The following FMN1 variants were observed in gnomAD, a reference collection of about 807,000 sequenced individuals.
FMN1 encodes formin 1.
In FMN1, 110 loss-of-function variants were observed where a neutral mutation model predicts 132.4. The observed-to-expected ratio is 0.83, with a 90% CI of 0.71 to 0.97. The LOEUF (loss-of-function observed/expected upper bound fraction) is 0.97. Ranked by LOEUF, FMN1 falls within the 50% of genes least tolerant of loss-of-function variation. The pLI is 0.00. For synonymous variants in FMN1, 722 were observed against 651.7 expected (o/e 1.11, Z -1.64); for missense variants, 1,792 against 1,705.3 (o/e 1.05, Z -0.90).
At chr15:32,808,965 C>A (rs2057776995) in intron 17 of FMN1, among the ~76,000 whole-genome samples, 1 of 149,672 alleles carries the variant, frequency 6.7e-6, no homozygotes. Context: ...AAAGGCTTTT[C>A]TACAAAAGGG....
chr15:32,968,956 TGGAGGTAGAGGTGGCGGTGGAGGAGGC>T lies in FMN1; in HGVS notation c.2718_2744del (p.Pro908_Pro916del). The stretch of plus-strand genomic sequence containing the variant: ...GTGGTGGAGGTCCAGCACTTGAAGG[TGGAGGTAGAGGTGGCGGTGGAGGAGGC>T]GGAGGTGGTAGCGGTGGCCCAGCAC... On this transcript the variant is annotated inframe_deletion, in exon 8 of 21. Transcript: ENST00000616417. The T allele has an allele frequency of 3.6e-6, 3 of 833,514 alleles. No individual in the cohort carries two copies. Among genetic ancestry groups the T allele is most frequent in the Non-Finnish European group, 5.5e-6 (3 of 546,062 alleles). The allele number at this position is 833,514 out of a possible 1,614,324, so 51.6% of individuals were successfully genotyped here. A position where few individuals can be genotyped will look rare whatever the true frequency, so the allele number is the denominator to read the frequency against.
chr15:32,814,759 T>C (rs2057998875), intron 17 of FMN1, among the ~76,000 whole-genome samples: 2 of 152,164 alleles, frequency 1.3e-5, no homozygotes, highest in Non-Finnish European at 1.5e-5. Flanking sequence ...CTGAAAGGCA[T>C]GGACTACGGC....
intron 10 of FMN1, among the ~76,000 whole-genome samples, chr15:32,912,479 C>T (rs2060585564): frequency 6.6e-6 from 1 of 152,180 alleles, no homozygotes; most frequent in African/African-American, 2.4e-5. Context: ...CTTAATTAAT[C>T]TCATGAAATT....
At chr15:32,866,440 A>C (rs936158053) in intron 16 of FMN1, among the ~76,000 whole-genome samples, 1 of 152,212 alleles carries the variant, frequency 6.6e-6, no homozygotes, top group Non-Finnish European at 1.5e-5. Context: ...TAGCCAAAAT[A>C]TTCTTCAGCT....
chr15:32,849,914 C>T (rs564681238), intron 17 of FMN1, among the ~76,000 whole-genome samples: 1 of 152,196 alleles, frequency 6.6e-6, no homozygotes, highest in South Asian at 2.1e-4. Context: ...GCCTTGGCCT[C>T]CCAAAGTGCA....
intron 4 of FMN1, among the ~76,000 whole-genome samples, chr15:33,130,582 A>C (rs1045627937): frequency 6.6e-6 from 1 of 152,206 alleles, no homozygotes; most frequent in Non-Finnish European, 1.5e-5. Flanking sequence ...ATGCTGTGAT[A>C]TAAGGCAATT....
Position 33,154,647 on chromosome 15 carries a change from GTT to G in FMN1, c.266_267del (p.Lys89ThrfsTer42). 2 of 1,536,126 alleles carry G rather than the reference GTT, an allele frequency of 1.3e-6. No homozygotes were observed. Among genetic ancestry groups the G allele is most frequent in the Non-Finnish European group, 1.7e-6 (2 of 1,146,918 alleles). ...PTKDILTELY[K>X]LTTERERLLT... ...AGCAGTCTCTCCCTCTCTGTTGTGA[GTT>G]TGTACAGCTCAGTTAGAATGTCTTT... On this transcript the variant is annotated frameshift_variant, in exon 4 of 21. Transcript: ENST00000616417. LOFTEE classifies it high-confidence loss of function.
chr15:32,801,763 C>A (rs945026292), intron 18 of FMN1, among the ~76,000 whole-genome samples: 1 of 152,178 alleles, frequency 6.6e-6, no homozygotes, highest in Non-Finnish European at 1.5e-5. Context: ...CCACTGCAAT[C>A]CAGCCTGGGC....
At chr15:32,850,876 TAAA>T (rs932579073) in intron 17 of FMN1, among the ~76,000 whole-genome samples, 5 of 152,148 alleles carry the variant, frequency 3.3e-5, no homozygotes, top group Admixed American at 3.3e-4. Context: ...ATAGGTAAAC[TAAA>T]ACAATTTTTG....
At chr15:33,003,867 C>G (rs1025163811) in intron 7 of FMN1, among the ~76,000 whole-genome samples, 6 of 152,138 alleles carry the variant, frequency 3.9e-5, no homozygotes, top group African/African-American at 9.7e-5. Context: ...TGGAACAGAA[C>G]AGAGCCCTCA....
rs1327773479 is a variant in FMN1 at position 32,991,425 on chromosome 15, T to C, written c.2223+16589A>G. ...TGCTGCATAGTAACTTGACAAATAT[T>C]ACCCTACATGATCTAAACAACACTG... On this transcript the variant is annotated intron_variant, in intron 7 of 20. Transcript: ENST00000616417. Among the ~76,000 whole-genome samples, 4 of 152,270 alleles carry C rather than the reference T, an allele frequency of 2.6e-5. No homozygotes were observed. The East Asian group carries it at 5.8e-4, about 22-fold the overall frequency.
intron 6 of FMN1, among the ~76,000 whole-genome samples, chr15:33,010,573 A>G (rs909625142): frequency 3.3e-5 from 5 of 152,306 alleles, no homozygotes; most frequent in Middle Eastern, 3.4e-3. Context: ...TCATTTTTCT[A>G]CTGCTACTAG....
At chr15:33,088,675 T>G (rs1374904032) in intron 5 of FMN1, 124 bp downstream of exon 5, 1 of 885,848 alleles carries the variant, frequency 1.1e-6, no homozygotes, top group African/African-American at 1.7e-5. Flanking sequence ...CCCACTGATT[T>G]TTTTTAAACA....
intron 4 of FMN1, among the ~76,000 whole-genome samples, chr15:33,123,475 A>T (rs1258597021): frequency 6.6e-6 from 1 of 152,204 alleles, no homozygotes; most frequent in Non-Finnish European, 1.5e-5. Context: ...TAGTTCCCCA[A>T]AGTAGTATCA....
chr15:32,927,368 C>T (rs1408691311), intron 9 of FMN1, among the ~76,000 whole-genome samples: 1 of 152,154 alleles, frequency 6.6e-6, no homozygotes, highest in Admixed American at 6.5e-5. Flanking sequence ...GGGATCCTTG[C>T]ACCCTCACGA....
intron 4 of FMN1, among the ~76,000 whole-genome samples, chr15:33,121,120 A>G (rs1045173675): frequency 1.4e-4 from 18 of 129,892 alleles, no homozygotes; most frequent in Non-Finnish European, 3.3e-4. Context: ...AAGAGTATAC[A>G]ATACCCCATC....
At chr15:33,138,044 A>G (rs937520008) in intron 4 of FMN1, among the ~76,000 whole-genome samples, 1 of 152,234 alleles carries the variant, frequency 6.6e-6, no homozygotes, top group African/African-American at 2.4e-5. Context: ...ATATTTGTCA[A>G]CTGTCCAAGT....
In FMN1 at chr15:32,769,377, T is replaced by C. The variant is rs911121364; in HGVS notation, c.*4933A>G. 2.0e-5 allele frequency: 3 copies of C among 152,184 alleles called. No homozygotes were observed. The highest frequency in any genetic ancestry group is 2.1e-4 in the South Asian group (1 of 4,826). 9.4% of individuals were successfully genotyped at this position (152,184 alleles called of 1,614,324 possible). ...ATTCCTTGGGAAGGGAGATGAAGAA[T>C]TGTGAAACCAAAATGCAGTGCCTCT... On this transcript the variant is annotated 3_prime_UTR_variant, in exon 21 of 21. Coordinates refer to ENST00000616417, the MANE Select transcript of FMN1 (RefSeq NM_001277313.2).
intron 9 of FMN1, among the ~76,000 whole-genome samples, chr15:32,950,963 A>T (rs968719712): frequency 6.6e-6 from 1 of 151,846 alleles, no homozygotes; most frequent in Admixed American, 6.6e-5. Flanking sequence ...TTTTATTGAG[A>T]TTTGGAGAAC....
Sources: allele counts gnomAD v4.1 joint callset (sites outside exome capture counted in the v4.1 genomes callset), GRCh38; gene constraint gnomAD v4.1.1; transcripts MANE v1.5; gene names NCBI Gene and HGNC (gene_info 2026-07-23, HGNC 2026-07-21).